Variants in TAFA1 observed in about 807,000 individuals in gnomAD.
The protein encoded by TAFA1 is chemokine-like protein TAFA-1.
TAFA1 carries 4 observed loss-of-function variants against 18.5 expected under a neutral mutation model. The observed-to-expected ratio is 0.22, with a 90% CI of 0.11 to 0.49. The LOEUF (loss-of-function observed/expected upper bound fraction) is 0.49, where lower values mean the gene tolerates loss of function less well. Among genes scored for constraint, TAFA1 ranks in the 20% least tolerant of loss-of-function variants. TAFA1 has a pLI of 0.98. For missense variants in TAFA1, 147 were observed against 169.0 expected, an observed-to-expected ratio of 0.87 and a Z score of 0.72; for synonymous variants, 56 against 55.2, an observed-to-expected ratio of 1.01 and a Z score of -0.06.
intron 3 of TAFA1, among the ~76,000 whole-genome samples, chr3:68,459,015 T>C (rs2071722413): frequency 2.6e-5 from 4 of 152,136 alleles, no homozygotes; most frequent in Admixed American, 2.6e-4. Context: ...TGTGGTACAG[T>C]CATTGCAAAG....
intron 2 of TAFA1, among the ~76,000 whole-genome samples, chr3:68,263,551 A>G (rs769402285): frequency 8.6e-5 from 13 of 151,466 alleles, no homozygotes; most frequent in Non-Finnish European, 1.6e-4. Flanking sequence ...TGACTCTGGA[A>G]GGGGTGATAG....
At chr3:68,470,722 G>A (rs942736677) in intron 3 of TAFA1, among the ~76,000 whole-genome samples, 1 of 152,190 alleles carries the variant, frequency 6.6e-6, no homozygotes, top group Non-Finnish European at 1.5e-5. Context: ...TTTAGGTGCT[G>A]TTAAAAGCAT....
At chr3:68,115,803 A>T (rs1411655477) in intron 2 of TAFA1, among the ~76,000 whole-genome samples, 1 of 152,188 alleles carries the variant, frequency 6.6e-6, no homozygotes, top group Non-Finnish European at 1.5e-5. Flanking sequence ...TTGTTTATCT[A>T]ATTCAAAGCC....
chr3:68,426,201 A>G, intron 3 of TAFA1, among the ~76,000 whole-genome samples: 1 of 152,048 alleles, frequency 6.6e-6, no homozygotes, highest in East Asian at 1.9e-4. Context: ...TCAATTAAAA[A>G]TTTTTACAAA....
chr3:68,461,034 C>A (rs1021611304), intron 3 of TAFA1, among the ~76,000 whole-genome samples: 2 of 152,180 alleles, frequency 1.3e-5, no homozygotes, highest in Non-Finnish European at 2.9e-5. Flanking sequence ...GTAATCCCAG[C>A]ACTTTGGGAG....
At chr3:68,531,219 C>A (rs1170863617) in intron 3 of TAFA1, among the ~76,000 whole-genome samples, 2 of 152,000 alleles carry the variant, frequency 1.3e-5, no homozygotes, top group Non-Finnish European at 2.9e-5. Context: ...AGCAGCGTAT[C>A]CATGTGGGTC....
intron 2 of TAFA1, among the ~76,000 whole-genome samples, chr3:68,189,063 T>C (rs1450458853): frequency 6.6e-6 from 1 of 151,880 alleles, no homozygotes; most frequent in Non-Finnish European, 1.5e-5. Flanking sequence ...AATAAAATCC[T>C]TGGAGTGTGA....
intron 2 of TAFA1, 129 bp from the exon 3 acceptor site, chr3:68,417,151 A>G (rs888269611): frequency 4.3e-6 from 3 of 699,902 alleles, no homozygotes; most frequent in African/African-American, 3.6e-5. Context: ...TCCTGTTGTA[A>G]TTGTATTTCA....
At chr3:68,120,169 T>TTC (rs199917167) in intron 2 of TAFA1, among the ~76,000 whole-genome samples, 1 of 138,182 alleles carries the variant, frequency 7.2e-6, no homozygotes, top group Non-Finnish European at 1.5e-5. Flanking sequence ...TTCTCTTTCT[T>TTC]TCTCTTTCTT....
At chr3:68,175,690 G>A (rs2066115469) in intron 2 of TAFA1, among the ~76,000 whole-genome samples, 1 of 152,126 alleles carries the variant, frequency 6.6e-6, no homozygotes. Flanking sequence ...TAGGTGGAAG[G>A]GAATTGCCTT....
rs184885801 is a variant in TAFA1 at position 68,361,982 on chromosome 3, C to T, written c.119-55298C>T. Among the ~76,000 whole-genome samples the T allele has an allele frequency of 1.6e-4, 25 of 152,170 alleles. No homozygotes were observed. The East Asian group carries it at 3.9e-3, about 24-fold the overall frequency. On this transcript the variant is annotated intron_variant, in intron 2 of 4. Transcript: ENST00000478136. ...ATCTATTAACCATTCCAACCAGTCC[C>T]CAACTTAGCACTAAATAATTTTGAA... is the stretch of plus-strand genomic sequence containing the variant.
intron 3 of TAFA1, among the ~76,000 whole-genome samples, chr3:68,507,334 C>A (rs1480047170): frequency 1.3e-5 from 2 of 151,646 alleles, no homozygotes; most frequent in Non-Finnish European, 2.9e-5. Flanking sequence ...GGAAAGAGAT[C>A]CCTACTACTG....
intron 2 of TAFA1, among the ~76,000 whole-genome samples, chr3:68,181,117 A>G (rs2066192733): frequency 6.6e-6 from 1 of 152,158 alleles, no homozygotes; most frequent in Non-Finnish European, 1.5e-5. Flanking sequence ...CCTGCCAACA[A>G]GCACATGAGT....
chr3:67,992,417 T>A, the TAFA1 span, among the ~76,000 whole-genome samples: 1 of 152,228 alleles, frequency 6.6e-6, no homozygotes, highest in South Asian at 2.1e-4. Flanking sequence ...ACATTATCAT[T>A]GTTAGCATTG....
intron 2 of TAFA1, among the ~76,000 whole-genome samples, chr3:68,155,473 C>T (rs1354373543): frequency 7.2e-5 from 11 of 152,116 alleles, no homozygotes; most frequent in South Asian, 2.1e-4. Context: ...GTGAGGATAT[C>T]GCCTGCCCCG....
intron 2 of TAFA1, among the ~76,000 whole-genome samples, chr3:68,413,754 G>A (rs528944765): frequency 6.6e-6 from 1 of 152,058 alleles, no homozygotes; most frequent in Middle Eastern, 3.2e-3. Context: ...GGGGCAGGGG[G>A]GTGAGGGGAC....
chr3:68,273,082 G>GA lies in TAFA1; in HGVS notation c.119-144191dup, dbSNP rs139940275. Among the ~76,000 whole-genome samples the GA allele has an allele frequency of 5.5e-3, 839 of 152,048 alleles. 16 individuals are homozygous for GA. The highest frequency in any genetic ancestry group is 0.018 in the African/African-American group (742 of 41,496). On this transcript the variant is annotated intron_variant, in intron 2 of 4. Transcript: ENST00000478136. ...AACTGCAAATTATGCCACAGGCTAT[G>GA]AAAAAAAGAAAGCAAGCAAGGAAAC...
intron 2 of TAFA1, among the ~76,000 whole-genome samples, chr3:68,271,209 G>A (rs2067660483): frequency 6.6e-6 from 1 of 151,986 alleles, no homozygotes; most frequent in Non-Finnish European, 1.5e-5. Flanking sequence ...TCATGAGGGT[G>A]CAAGGATGAC....
chr3:68,019,281 T>A (rs903387959), intron 2 of TAFA1, among the ~76,000 whole-genome samples: 1 of 152,204 alleles, frequency 6.6e-6, no homozygotes, highest in South Asian at 2.1e-4. Context: ...AAAGCATGGT[T>A]TTTTTCCTTT....
Sources: gnomAD v4.1 joint callset for allele counts (sites outside exome capture counted in the v4.1 genomes callset) on GRCh38, gnomAD v4.1.1 for gene constraint, MANE v1.5 for transcripts, NCBI Gene and HGNC (gene_info 2026-07-23, HGNC 2026-07-21) for gene names.